Variants in TCF4 observed in about 807,000 individuals in gnomAD.
TCF4 encodes SL3-3 enhancer factor 2.
TCF4 carries 3 observed loss-of-function variants against 82.1 expected under a neutral mutation model. That is an observed-to-expected ratio of 0.04 (90% CI 0.02 to 0.09). TCF4 has a LOEUF of 0.09. TCF4 is among the 10% of genes least tolerant of loss of function. The pLI is 1.00. For missense variants in TCF4, 518 were observed against 852.7 expected, an observed-to-expected ratio of 0.61 and a Z score of 4.89; for synonymous variants, 276 against 309.6, an observed-to-expected ratio of 0.89 and a Z score of 1.14.
At chr18:55,619,816 A>G (rs1048575668) in intron 2 of TCF4, among the ~76,000 whole-genome samples, 1 of 152,028 alleles carries the variant, frequency 6.6e-6, no homozygotes, top group Non-Finnish European at 1.5e-5. Flanking sequence ...ATGTTTTTGT[A>G]TACCTATAGA....
chr18:55,249,571 T>A (rs971834327), intron 15 of TCF4, among the ~76,000 whole-genome samples: 3 of 152,202 alleles, frequency 2.0e-5, no homozygotes, highest in Non-Finnish European at 4.4e-5. Context: ...CCTGGTCTTT[T>A]AGAGGGCATA....
chr18:55,619,236 T>A (rs1027211837), intron 2 of TCF4, among the ~76,000 whole-genome samples: 11 of 152,156 alleles, frequency 7.2e-5, no homozygotes, highest in Non-Finnish European at 1.5e-5. Flanking sequence ...TCAGATCATC[T>A]TATCTATTTC....
intron 3 of TCF4, among the ~76,000 whole-genome samples, chr18:55,582,258 C>T (rs1248896722): frequency 6.6e-6 from 1 of 152,076 alleles, no homozygotes; most frequent in Non-Finnish European, 1.5e-5. Flanking sequence ...ATCATCCAGG[C>T]ATGTGGATGC....
intron 5 of TCF4, among the ~76,000 whole-genome samples, chr18:55,405,129 T>A (rs1373474995): frequency 2.0e-5 from 3 of 152,228 alleles, no homozygotes; most frequent in Non-Finnish European, 4.4e-5. Flanking sequence ...CACAAAGACA[T>A]ATTTACTCAT....
intron 8 of TCF4, among the ~76,000 whole-genome samples, chr18:55,286,081 G>A (rs1418790107): frequency 6.6e-6 from 1 of 152,168 alleles, no homozygotes; most frequent in Non-Finnish European, 1.5e-5. Context: ...ATAAAAGGAA[G>A]AAACTCTTAA....
At position 55,232,267 on chromosome 18, in the gene TCF4, A is replaced by T. The variant is rs2048132778; in HGVS notation, c.1649+242T>A. The T allele has an allele frequency of 6.2e-6, 3 of 480,712 alleles. 1 individual carries two copies. In the Admixed American group the frequency reaches 1.1e-4, roughly 17 times the overall value. The allele number at this position is 480,712 out of a possible 1,614,324, so 29.8% of individuals were successfully genotyped here. On this transcript the variant is annotated intron_variant, in intron 17 of 19. Coordinates refer to ENST00000354452, the MANE Select transcript of TCF4 (RefSeq NM_001083962.2). The stretch of plus-strand genomic sequence containing the variant: ...TAAACTGTACTTGAATCAGAGACAA[A>T]TTTTTTCACTGTGTGTCATTAGCAT...
intron 6 of TCF4, among the ~76,000 whole-genome samples, chr18:55,360,766 C>T (rs1446744856): frequency 8.5e-6 from 1 of 117,612 alleles, no homozygotes. Context: ...TCTCACTCTG[C>T]CACCAGGCTG....
chr18:55,439,195 T>G (rs979132392), intron 5 of TCF4, among the ~76,000 whole-genome samples: 1 of 152,192 alleles, frequency 6.6e-6, no homozygotes, highest in Admixed American at 6.5e-5. Flanking sequence ...TGCAAATTCC[T>G]TCGTGGCCAC....
chr18:55,414,934 AC>A (rs1412072961), intron 5 of TCF4, among the ~76,000 whole-genome samples: 2 of 152,214 alleles, frequency 1.3e-5, no homozygotes, highest in African/African-American at 4.8e-5. Context: ...ATGTAAATAT[AC>A]TCATTTTCCT....
At chr18:55,434,846 T>C (rs1386075996) in intron 5 of TCF4, among the ~76,000 whole-genome samples, 1 of 151,528 alleles carries the variant, frequency 6.6e-6, no homozygotes, top group African/African-American at 2.4e-5. Flanking sequence ...GTATATGAGA[T>C]ATTTTCATAT....
chr18:55,520,381 TATC>T (rs2096923124), intron 3 of TCF4, among the ~76,000 whole-genome samples: 2 of 152,306 alleles, frequency 1.3e-5, no homozygotes, highest in African/African-American at 4.8e-5. Flanking sequence ...TAAAAACAAG[TATC>T]ATCCCACATC....
At chr18:55,525,074 C>T (rs778134061) in intron 3 of TCF4, among the ~76,000 whole-genome samples, 2 of 152,006 alleles carry the variant, frequency 1.3e-5, no homozygotes, top group Admixed American at 1.3e-4. Flanking sequence ...CCCTTTCCCC[C>T]TCTCTCTCCT....
rs534853566 is a variant in TCF4 at position 55,253,592 on chromosome 18, A to G, written c.1350+905T>C. Among the ~76,000 whole-genome samples the G allele has an allele frequency of 9.9e-4, 151 of 152,220 alleles. 1 individual carries two copies. Among genetic ancestry groups the G allele is most frequent in the Non-Finnish European group, 1.5e-3 (105 of 68,034 alleles). On this transcript the variant is annotated intron_variant, in intron 15 of 19. Coordinates refer to ENST00000354452, the MANE Select transcript of TCF4 (RefSeq NM_001083962.2). Reference sequence around the variant, plus strand: ...ATCCTTTCAAAAGTAATGAGGAAAAAAATCACAATTGTAATATGGACAAAT... The same window carrying G: ...ATCCTTTCAAAAGTAATGAGGAAAAGAATCACAATTGTAATATGGACAAAT...
chr18:55,578,559 T>A (rs2097549258), intron 3 of TCF4, among the ~76,000 whole-genome samples: 1 of 152,136 alleles, frequency 6.6e-6, no homozygotes, highest in Non-Finnish European at 1.5e-5. Flanking sequence ...GAATGCAAAC[T>A]TTTTATAGCA....
At position 55,269,937 on chromosome 18, in the gene TCF4, G is replaced by A. The variant is rs138403996; in HGVS notation, c.816C>T (p.Asp272=). Residue 272 remains aspartate (D), a synonymous_variant, in exon 11 of 20, where the codon GAC becomes GAT. Coordinates refer to ENST00000354452, the MANE Select transcript of TCF4 (RefSeq NM_001083962.2). The part of the protein sequence containing the change: ...RLSYPSHSSA[D]INSSLPPMST... Reference sequence around the variant, plus strand: ...ACATCGGAGGAAGACTGGAATTGATGTCTGCTGAGGAGTGTGATGGATAGC... The same window carrying A: ...ACATCGGAGGAAGACTGGAATTGATATCTGCTGAGGAGTGTGATGGATAGC... 4.4e-5 allele frequency: 71 copies of A among 1,613,190 alleles called. No homozygotes were observed. The highest frequency in any genetic ancestry group is 3.3e-5 in the Admixed American group (2 of 59,944).
intron 3 of TCF4, chr18:55,496,373 T>C (rs1315653785): frequency 6.6e-6 from 1 of 151,114 alleles, no homozygotes; most frequent in Non-Finnish European, 1.5e-5. Context: ...CATTGCATAT[T>C]CAATACCTAT....
chr18:55,348,340 AT>A (rs1214920118), intron 8 of TCF4, among the ~76,000 whole-genome samples: 1 of 152,096 alleles, frequency 6.6e-6, no homozygotes, highest in African/African-American at 2.4e-5. Context: ...CTTCCTCCTT[AT>A]ATTTCAGAAA....
chr18:55,288,339 T>C (rs980789473), intron 8 of TCF4, among the ~76,000 whole-genome samples: 7 of 152,214 alleles, frequency 4.6e-5, no homozygotes, highest in African/African-American at 1.4e-4. Context: ...ACTGTACATA[T>C]ACTCATTTTG....
At chr18:55,453,666 C>T (rs1164215390) in intron 5 of TCF4, among the ~76,000 whole-genome samples, 2 of 152,082 alleles carry the variant, frequency 1.3e-5, no homozygotes, top group Non-Finnish European at 2.9e-5. Context: ...TGCTATATCA[C>T]AGAGTAGGCC....
Sources: allele counts gnomAD v4.1 joint callset (sites outside exome capture counted in the v4.1 genomes callset), GRCh38; gene constraint gnomAD v4.1.1; transcripts MANE v1.5; gene names NCBI Gene and HGNC (gene_info 2026-07-23, HGNC 2026-07-21).